The following IL1RAPL1 variants were observed in gnomAD, a reference collection of about 807,000 sequenced individuals.
The protein encoded by IL1RAPL1 is interleukin-1 receptor accessory protein-like 1.
In IL1RAPL1, 3 loss-of-function variants were observed where a neutral mutation model predicts 48.4. The observed-to-expected ratio is 0.06, with a 90% confidence interval of 0.03 to 0.16. IL1RAPL1 has a LOEUF of 0.16. Ranked by LOEUF, IL1RAPL1 falls within the 10% of genes least tolerant of loss-of-function variation. IL1RAPL1 has a pLI of 1.00. For missense variants in IL1RAPL1, 349 were observed against 530.6 expected, an observed-to-expected ratio of 0.66 and a Z score of 3.36; for synonymous variants, 185 against 187.7, an observed-to-expected ratio of 0.99 and a Z score of 0.12.
intron 2 of IL1RAPL1, among the ~76,000 whole-genome samples, chrX:28,939,074 C>T (rs1924096847): frequency 9.1e-6 from 1 of 109,570 alleles, no homozygotes; most frequent in African/African-American, 3.3e-5. Flanking sequence ...AACACTTACA[C>T]ACTGTTAGTA....
At chrX:29,743,390 TAATC>T (rs200994509) in intron 6 of IL1RAPL1, among the ~76,000 whole-genome samples, 3,175 of 110,884 alleles carry the variant, frequency 0.029, 104 homozygotes, top group African/African-American at 0.098. Context: ...AAAAGCTTCT[TAATC>T]AATATTAAAC....
chrX:29,949,372 A>AT (rs1933273243), intron 9 of IL1RAPL1, among the ~76,000 whole-genome samples: 1 of 112,366 alleles, frequency 8.9e-6, no homozygotes, highest in South Asian at 3.6e-4. Context: ...GACTTCAAGT[A>AT]ACCAAACAAC....
intron 6 of IL1RAPL1, among the ~76,000 whole-genome samples, chrX:29,687,664 TAAAAA>T (rs1276742882): frequency 8.9e-6 from 1 of 111,932 alleles, no homozygotes; most frequent in Non-Finnish European, 1.9e-5. Flanking sequence ...AGTGTTCTCA[TAAAAA>T]AGAAATGATA....
intron 6 of IL1RAPL1, among the ~76,000 whole-genome samples, chrX:29,892,421 A>G (rs1355051075): frequency 8.9e-6 from 1 of 112,617 alleles, no homozygotes; most frequent in Non-Finnish European, 1.9e-5. Context: ...ATAACAAGAT[A>G]TACAATTTAC....
At position 29,851,703 on chromosome X, in the gene IL1RAPL1, G is replaced by A. The variant is rs142169855; in HGVS notation, c.779-65761G>A. Among the ~76,000 whole-genome samples, 387 of 111,424 alleles carry A rather than the reference G, an allele frequency of 3.5e-3. 1 individual carries two copies. Among genetic ancestry groups the A allele is most frequent in the Non-Finnish European group, 5.2e-3 (277 of 53,039 alleles). Reference sequence around the variant, plus strand: ...CTGTACATAGGTCACTCTCAGACATGCATAGACCTGGGGGAGCTGTAGGTC... The same window carrying A: ...CTGTACATAGGTCACTCTCAGACATACATAGACCTGGGGGAGCTGTAGGTC... On this transcript the variant is annotated intron_variant, in intron 6 of 10. Coordinates refer to ENST00000378993, the MANE Select transcript of IL1RAPL1 (RefSeq NM_014271.4).
At chrX:29,594,384 G>C (rs1012380019) in intron 5 of IL1RAPL1, among the ~76,000 whole-genome samples, 1 of 111,207 alleles carries the variant, frequency 9.0e-6, no homozygotes, top group South Asian at 3.8e-4. Flanking sequence ...GTTCCATGTG[G>C]TAATAATATA....
chrX:29,004,700 C>T (rs929616548), intron 2 of IL1RAPL1, among the ~76,000 whole-genome samples: 2 of 111,380 alleles, frequency 1.8e-5, no homozygotes, highest in African/African-American at 6.5e-5. Flanking sequence ...TATTCCTAAT[C>T]AAATTCTGTG....
chrX:29,898,397 C>T (rs35727344), intron 6 of IL1RAPL1, among the ~76,000 whole-genome samples: 3,558 of 111,742 alleles, frequency 0.032, 110 homozygotes, highest in Admixed American at 0.14. Context: ...GAATGCGCAT[C>T]GTATCAGCAA....
intron 6 of IL1RAPL1, among the ~76,000 whole-genome samples, chrX:29,824,667 T>C (rs1930693891): frequency 8.9e-6 from 1 of 112,019 alleles, no homozygotes; most frequent in African/African-American, 3.2e-5. Context: ...GTGCAAGTTA[T>C]GTTTGCAATC....
At chrX:29,462,164 C>T (rs1295910090) in intron 5 of IL1RAPL1, among the ~76,000 whole-genome samples, 1 of 110,709 alleles carries the variant, frequency 9.0e-6, no homozygotes, top group Non-Finnish European at 1.9e-5. Context: ...TTTTTTTTTG[C>T]AGGCATGCAT....
At chrX:29,006,199 C>T (rs1387579491) in intron 2 of IL1RAPL1, among the ~76,000 whole-genome samples, 3 of 110,734 alleles carry the variant, frequency 2.7e-5, no homozygotes, top group Non-Finnish European at 5.7e-5. Flanking sequence ...CTTTGTTCTT[C>T]TTGTTACATT....
intron 2 of IL1RAPL1, among the ~76,000 whole-genome samples, chrX:29,044,411 C>G (rs1338820172): frequency 9.0e-6 from 1 of 110,709 alleles, no homozygotes; most frequent in Non-Finnish European, 1.9e-5. Flanking sequence ...GCCTAGGCAA[C>G]AGAGTGAGAC....
chrX:28,833,269 G>C (rs1921117303), intron 2 of IL1RAPL1, among the ~76,000 whole-genome samples: 1 of 111,691 alleles, frequency 9.0e-6, no homozygotes, highest in African/African-American at 3.2e-5. Context: ...ATTGTGAATA[G>C]TGCTGTGAAG....
intron 2 of IL1RAPL1, among the ~76,000 whole-genome samples, chrX:29,145,634 C>G (rs1257247192): frequency 1.8e-5 from 2 of 111,711 alleles, no homozygotes; most frequent in South Asian, 7.4e-4. Flanking sequence ...CAACACGAGA[C>G]AGGCCACTGG....
At chrX:29,527,795 A>G (rs574268072) in intron 5 of IL1RAPL1, among the ~76,000 whole-genome samples, 1 of 112,503 alleles carries the variant, frequency 8.9e-6, no homozygotes, top group South Asian at 3.6e-4. Flanking sequence ...TCCTTAATAT[A>G]TAAAGAACTT....
intron 2 of IL1RAPL1, among the ~76,000 whole-genome samples, chrX:29,219,623 T>A (rs1930937464): frequency 9.0e-6 from 1 of 111,708 alleles, no homozygotes; most frequent in African/African-American, 3.3e-5. Flanking sequence ...ACTTCCAGTT[T>A]GACCTTCCTC....
At chrX:29,269,330 T>G (rs184181848) in intron 2 of IL1RAPL1, among the ~76,000 whole-genome samples, 1 of 111,345 alleles carries the variant, frequency 9.0e-6, no homozygotes, top group African/African-American at 3.3e-5. Flanking sequence ...CAGCTTACAT[T>G]TGGCTTTGGA....
intron 8 of IL1RAPL1, among the ~76,000 whole-genome samples, chrX:29,932,000 G>A (rs959073670): frequency 1.2e-4 from 13 of 112,421 alleles, no homozygotes; most frequent in African/African-American, 4.2e-4. Context: ...CATCAGTGAA[G>A]TTTGACACCT....
intron 5 of IL1RAPL1, among the ~76,000 whole-genome samples, chrX:29,637,486 A>G (rs1255932544): frequency 9.0e-6 from 1 of 111,273 alleles, no homozygotes; most frequent in Non-Finnish European, 1.9e-5. Flanking sequence ...TGAAGCAAAT[A>G]TGACAGATTT....
Sources: gnomAD v4.1 joint callset for allele counts (sites outside exome capture counted in the v4.1 genomes callset) on GRCh38, gnomAD v4.1.1 for gene constraint, MANE v1.5 for transcripts, NCBI Gene and HGNC (gene_info 2026-07-23, HGNC 2026-07-21) for gene names.